The following TMEM39B variants were observed in gnomAD, a reference collection of about 807,000 sequenced individuals.
The protein encoded by TMEM39B is transmembrane protein 39B.
In TMEM39B, 23 loss-of-function variants were observed where a neutral mutation model predicts 52.2. The ratio of observed to expected loss-of-function variants is 0.44; its 90% confidence interval spans 0.32 to 0.62. TMEM39B has a LOEUF of 0.62. Among genes scored for constraint, TMEM39B ranks in the 20% least tolerant of loss-of-function variants. The probability of loss-of-function intolerance (pLI) is 0.06; values close to 1 mark genes in which losing one functional copy is unlikely to be tolerated. For synonymous variants in TMEM39B, 285 were observed against 264.0 expected (o/e 1.08, Z -0.77); for missense variants, 547 against 642.0 (o/e 0.85, Z 1.60).
chr1:32,102,028 A>G (rs1170303315), intron 8 of TMEM39B, among the ~76,000 whole-genome samples: 1 of 152,146 alleles, frequency 6.6e-6, no homozygotes, highest in African/African-American at 2.4e-5. Context: ...AATACCCAGG[A>G]GATGACATTA....
chr1:32,098,355 G>GA (rs1304930637), intron 7 of TMEM39B, among the ~76,000 whole-genome samples: 1 of 152,070 alleles, frequency 6.6e-6, no homozygotes, highest in Non-Finnish European at 1.5e-5. Flanking sequence ...ATTGGGTTGA[G>GA]AAGGGGGCTG....
At chr1:32,074,551 A>G (rs1639771442) in intron 1 of TMEM39B, among the ~76,000 whole-genome samples, 1 of 152,228 alleles carries the variant, frequency 6.6e-6, no homozygotes, top group East Asian at 1.9e-4. Flanking sequence ...TAAGCATATT[A>G]ACAAATGAGT....
rs749630317 is a variant in TMEM39B, at chr1:32,095,034, G to T, written c.1115+63G>T. On this transcript the variant is annotated intron_variant, in intron 7 of 8. Coordinates refer to ENST00000336294, the MANE Select transcript of TMEM39B (RefSeq NM_018056.4). ...TTCTGGTCAGCATCTGGAGTCACTT[G>T]TCCACTCGCTGATTAACTTATTTAG... 9.0e-6 allele frequency: 14 copies of T among 1,555,788 alleles called. No individual in the cohort carries two copies. The South Asian group carries it at 1.2e-4, about 14-fold the overall frequency.
Position 32,091,696 on chromosome 1 carries a change from C to A in TMEM39B, c.612C>A (p.Phe204Leu). 1 of 1,607,678 alleles carries A rather than the reference C, an allele frequency of 6.2e-7. No homozygotes were observed. Among genetic ancestry groups the A allele is most frequent in the Non-Finnish European group, 8.5e-7 (1 of 1,175,866 alleles). The change falls in exon 6 of 9, where the codon TTC becomes TTA. Residue 204 changes from phenylalanine to leucine, a missense_variant. Transcript: ENST00000336294. ...GCAGGTTTGGGATGTACATTCCGTT[C>A]CTGCAGCTGAATTGCGACCTCCGCA... ...LCYPFGMYIP[F>L]LQLNCDLRKT...
intron 6 of TMEM39B, 31 bp from the exon 7 acceptor site, chr1:32,094,753 C>T: frequency 6.2e-7 from 1 of 1,611,802 alleles, no homozygotes; most frequent in Non-Finnish European, 8.5e-7. Flanking sequence ...TATGGGGATC[C>T]CAGGCCTCAC....
At chr1:32,077,094 G>A (rs1324846131) in intron 4 of TMEM39B, 70 bp from the exon 5 acceptor site, 1 of 1,587,464 alleles carries the variant, frequency 6.3e-7, no homozygotes, top group Non-Finnish European at 8.6e-7. Context: ...GTCATGCTGG[G>A]TGGGATTTGG....
At position 32,091,772 on chromosome 1, in the gene TMEM39B, A is replaced by G; in HGVS notation, c.688A>G (p.Ser230Gly). The G allele has an allele frequency of 6.2e-7, 1 of 1,614,228 alleles. No individual in the cohort carries two copies. Among genetic ancestry groups the G allele is most frequent in the Non-Finnish European group, 8.5e-7 (1 of 1,180,044 alleles). ...MASMGPREAV[S>G]GLAKSRDYLL... ...CTCCATGGGGCCCCGGGAGGCGGTC[A>G]GTGGCCTGGCAAAGAGCCGGGACTA... The change falls in exon 6 of 9, where the codon AGT becomes GGT. Residue 230 changes from serine (S) to glycine (G), a missense_variant. Ser to Gly is a moderately conservative substitution (Grantham distance 56, BLOSUM62 0). Transcript: ENST00000336294.
intron 1 of TMEM39B, chr1:32,073,579 C>T: frequency 1.0e-6 from 1 of 989,334 alleles, no homozygotes; most frequent in Non-Finnish European, 1.2e-6. Context: ...TATGTGGGTG[C>T]AGAGCTTCTA....
Position 32,094,990 on chromosome 1 carries a change from C to T in TMEM39B, c.1115+19C>T. 6.2e-7 allele frequency: 1 copy of T among 1,610,358 alleles called. No individual in the cohort carries two copies. Among genetic ancestry groups the T allele is most frequent in the East Asian group, 2.2e-5 (1 of 44,842 alleles). On this transcript the variant is annotated intron_variant, in intron 7 of 8. Transcript: ENST00000336294. ...AGCACCCGTGAGTCACCCTACCCTG[C>T]TCAACCCAATCCCAGCCCTTCTGGT...
intron 1 of TMEM39B, chr1:32,073,672 C>T (rs1639735164): frequency 2.0e-6 from 2 of 985,370 alleles, no homozygotes; most frequent in South Asian, 4.7e-5. Context: ...AGTATAACAG[C>T]GTATGAACAG....
chr1:32,101,518 C>G (rs1169906477), intron 8 of TMEM39B, among the ~76,000 whole-genome samples: 1 of 151,944 alleles, frequency 6.6e-6, no homozygotes, highest in Non-Finnish European at 1.5e-5. Context: ...GTTAGAACCC[C>G]CTTCACTTCC....
chr1:32,100,595 G>A, intron 8 of TMEM39B, 33 bp downstream of exon 8: 1 of 1,613,936 alleles, frequency 6.2e-7, no homozygotes, highest in Non-Finnish European at 8.5e-7. Flanking sequence ...GAGGGTTGGG[G>A]CCTGAGAGGG....
chr1:32,092,111 G>A lies in TMEM39B; in HGVS notation c.927+100G>A, dbSNP rs924698343. ...CTGCTGGCCTAACTATGCTGTTTTT[G>A]ATGTGATTTCCCATCTCTGGAGGAC... On this transcript the variant is annotated intron_variant, in intron 6 of 8. Coordinates refer to ENST00000336294, the MANE Select transcript of TMEM39B (RefSeq NM_018056.4). The A allele has an allele frequency of 8.0e-6, 9 of 1,124,230 alleles. 1 individual carries two copies. The highest frequency in any genetic ancestry group is 8.8e-6 in the Non-Finnish European group (7 of 792,116). 69.6% of individuals were successfully genotyped at this position (1,124,230 alleles called of 1,614,324 possible). A position where few individuals can be genotyped will look rare whatever the true frequency, so the allele number is the denominator to read the frequency against.
intron 5 of TMEM39B, among the ~76,000 whole-genome samples, chr1:32,090,679 G>A (rs543383081): frequency 7.4e-4 from 113 of 151,898 alleles, no homozygotes; most frequent in East Asian, 4.6e-3. Flanking sequence ...TCGCTCTGTC[G>A]CCCAGGCTGG....
At chr1:32,089,606 T>A (rs1569912121) in intron 5 of TMEM39B, among the ~76,000 whole-genome samples, 1 of 151,716 alleles carries the variant, frequency 6.6e-6, no homozygotes, top group East Asian at 2.0e-4. Context: ...CCAGGGACAC[T>A]CAGATATTTC....
intron 7 of TMEM39B, among the ~76,000 whole-genome samples, chr1:32,099,120 G>A (rs931118236): frequency 6.6e-6 from 1 of 151,962 alleles, no homozygotes; most frequent in African/African-American, 2.4e-5. Flanking sequence ...GGGCGTGGTG[G>A]CAGGTGCCTA....
chr1:32,083,302 C>T (rs1343370763), intron 5 of TMEM39B, among the ~76,000 whole-genome samples: 2 of 150,176 alleles, frequency 1.3e-5, no homozygotes, highest in East Asian at 1.9e-4. Flanking sequence ...AGGCTGGTCT[C>T]GAACTCCCGA....
intron 7 of TMEM39B, among the ~76,000 whole-genome samples, chr1:32,098,003 T>C (rs1266709624): frequency 1.3e-5 from 2 of 151,974 alleles, no homozygotes; most frequent in African/African-American, 4.8e-5. Flanking sequence ...AACTTTTCTT[T>C]TTTGTTTTTT....
rs567391829 is a variant in TMEM39B, at chr1:32,102,758, G to A, written c.*85G>A. 3.5e-5 allele frequency: 48 copies of A among 1,371,892 alleles called. No individual in the cohort carries two copies. Among genetic ancestry groups the A allele is most frequent in the Admixed American group, 8.2e-5 (3 of 36,424 alleles). The allele number at this position is 1,371,892 out of a possible 1,614,324, so 85.0% of individuals were successfully genotyped here. On this transcript the variant is annotated 3_prime_UTR_variant, in exon 9 of 9. Transcript: ENST00000336294. The stretch of plus-strand genomic sequence containing the variant: ...GCTGTTGGGTAGAAGTGGTGGTGGG[G>A]GGGACAAAAGACAAAAAAATCCACC...
Sources: allele counts gnomAD v4.1 joint callset (sites outside exome capture counted in the v4.1 genomes callset), GRCh38; gene constraint gnomAD v4.1.1; transcripts MANE v1.5; gene names NCBI Gene and HGNC (gene_info 2026-07-23, HGNC 2026-07-21).